The following IP6K1 variants were observed in gnomAD, a reference collection of about 807,000 sequenced individuals.
The protein encoded by IP6K1 is ATP:1D-myo-inositol-hexakisphosphate phosphotransferase.
A neutral mutation model predicts 38.3 loss-of-function variants in IP6K1; 13 were observed. That is an observed-to-expected ratio of 0.34 (90% CI 0.22 to 0.54). The LOEUF (loss-of-function observed/expected upper bound fraction) is 0.54, where lower values mean the gene tolerates loss of function less well. IP6K1 is among the 20% of genes least tolerant of loss of function. The pLI, the probability that IP6K1 is intolerant of heterozygous loss-of-function variation, is 0.92. For missense variants in IP6K1, 397 were observed against 599.8 expected (o/e 0.66, Z 3.53); for synonymous variants, 212 against 229.9 (o/e 0.92, Z 0.70).
chr3:49,760,421 C>T (rs1408732072), intron 1 of IP6K1, among the ~76,000 whole-genome samples: 1 of 151,970 alleles, frequency 6.6e-6, no homozygotes, highest in African/African-American at 2.4e-5. Context: ...GTCAGGAGTT[C>T]AAGAACAGTC....
chr3:49,780,789 T>G (rs1263158224), intron 1 of IP6K1, among the ~76,000 whole-genome samples: 2 of 152,196 alleles, frequency 1.3e-5, no homozygotes, highest in Admixed American at 1.3e-4. Context: ...TGGGCCTGCC[T>G]CTATAAAGCA....
chr3:49,750,902 T>C (rs989563826), intron 1 of IP6K1, among the ~76,000 whole-genome samples: 4 of 152,172 alleles, frequency 2.6e-5, no homozygotes, highest in African/African-American at 9.6e-5. Context: ...ATATACCACA[T>C]ATCTGTAACT....
chr3:49,725,087 G>A lies in IP6K1; in HGVS notation c.*2035C>T, dbSNP rs1049257. ...CTCCAGGTGTCCAAAGTGCTGAAAAGAGGGGCCCTGCTCTAAGGGAGCAGC... is the reference window on the plus strand; with the variant it reads ...CTCCAGGTGTCCAAAGTGCTGAAAAAAGGGGCCCTGCTCTAAGGGAGCAGC... On this transcript the variant is annotated 3_prime_UTR_variant, in exon 6 of 6. Transcript: ENST00000321599. The A allele has an allele frequency of 6.5e-6, 1 of 152,706 alleles. No homozygotes were observed. The highest frequency in any genetic ancestry group is 2.4e-5 in the African/African-American group (1 of 41,432). 9.5% of individuals were successfully genotyped at this position (152,706 alleles called of 1,614,324 possible).
chr3:49,777,599 A>G (rs1396051181), intron 1 of IP6K1, among the ~76,000 whole-genome samples: 1 of 151,348 alleles, frequency 6.6e-6, no homozygotes, highest in Non-Finnish European at 1.5e-5. Context: ...ATACCACAAT[A>G]AAGTTGGAAA....
intron 3 of IP6K1, among the ~76,000 whole-genome samples, chr3:49,735,209 G>A (rs958190051): frequency 3.3e-5 from 5 of 152,118 alleles, no homozygotes; most frequent in Admixed American, 2.0e-4. Context: ...TTAAAAATTA[G>A]CTGAATGCAG....
At chr3:49,736,506 CATA>C (rs1418548314) in intron 3 of IP6K1, among the ~76,000 whole-genome samples, 2 of 152,026 alleles carry the variant, frequency 1.3e-5, no homozygotes, top group South Asian at 2.1e-4. Context: ...TTTCATTTAA[CATA>C]ATGTTTTCAT....
chr3:49,737,205 TCAGC>T, intron 3 of IP6K1, among the ~76,000 whole-genome samples: 2 of 151,150 alleles, frequency 1.3e-5, no homozygotes, highest in African/African-American at 4.9e-5. Context: ...GCCACAGCAC[TCAGC>T]CTGGTTTAAC....
chr3:49,727,417 C>T lies in IP6K1; in HGVS notation c.1031G>A (p.Cys344Tyr). Residue 344 changes from cysteine to tyrosine, a missense_variant, in exon 6 of 6, where the codon TGC becomes TAC. Physicochemically the swap from Cys to Tyr is radical, Grantham distance 194 (BLOSUM62 -2). This residue lies in a region of IP6K1 where 164 missense variants were observed against 213.5 expected (regional missense o/e 0.77). Transcript: ENST00000321599. The surrounding 1 kb of genome is among the most constrained non-coding windows in gnomAD (Gnocchi z 5.9). ...GCGGTCCAGGCAGGACTCAGCCCGG[C>T]ACTCCTTGCCATCATAGATGACAAG... is the stretch of plus-strand genomic sequence containing the variant. ...SLLVIYDGKE[C>Y]RAESCLDRRS... 1 of 1,614,048 alleles carries T rather than the reference C, an allele frequency of 6.2e-7. No individual in the cohort carries two copies.
chr3:49,734,557 A>G (rs9849038), intron 3 of IP6K1, among the ~76,000 whole-genome samples: 122,458 of 151,676 alleles, frequency 0.81, 49,953 homozygotes, highest in East Asian at 0.99. Flanking sequence ...TGGAAATGCT[A>G]ACCCTCTCCA....
chr3:49,761,813 G>A (rs1402986306), intron 1 of IP6K1, among the ~76,000 whole-genome samples: 2 of 151,944 alleles, frequency 1.3e-5, no homozygotes, highest in Admixed American at 6.6e-5. Context: ...AATTAGGCAG[G>A]CATGGTGGTA....
intron 1 of IP6K1, among the ~76,000 whole-genome samples, chr3:49,784,287 G>A (rs1014997294): frequency 4.6e-5 from 7 of 151,958 alleles, no homozygotes; most frequent in Non-Finnish European, 5.9e-5. Context: ...ATGAGCTACC[G>A]CACCTGGCCT....
Position 49,748,077 on chromosome 3 carries a change from T to C in IP6K1, c.-37A>G, listed in dbSNP as rs765794820. 1 of 1,610,304 alleles carries C rather than the reference T, an allele frequency of 6.2e-7. No individual in the cohort carries two copies. The highest frequency in any genetic ancestry group is 8.5e-7 in the Non-Finnish European group (1 of 1,178,384). The stretch of plus-strand genomic sequence containing the variant: ...CCAGTTGCACACTGAGGGCAGAGGA[T>C]GCAGCACATGGGCCACAAAAGGAGA... On this transcript the variant is annotated 5_prime_UTR_variant, in exon 2 of 6. Transcript: ENST00000321599.
At chr3:49,729,912 A>G (rs1280856288) in intron 4 of IP6K1, among the ~76,000 whole-genome samples, 4 of 151,558 alleles carry the variant, frequency 2.6e-5, no homozygotes, top group Non-Finnish European at 5.9e-5. Flanking sequence ...ATTTTTTTTG[A>G]GACAGAGTCT....
chr3:49,771,310 C>A (rs2080957462), intron 1 of IP6K1, among the ~76,000 whole-genome samples: 4 of 151,020 alleles, frequency 2.6e-5, no homozygotes, highest in Admixed American at 1.3e-4. Flanking sequence ...CCAGCTTGGG[C>A]AACATAGGGA....
rs1559707270 is a variant in IP6K1 at position 49,747,948 on chromosome 3, GTGGA to G, written c.89_92del (p.Ile30ThrfsTer3). ...TCATGCTGCTGTGTCCGCCTACTTGGTGGATGAAGGGCTCCAGGAGGACTCCCCG... is the reference window on the plus strand; with the variant it reads ...TCATGCTGCTGTGTCCGCCTACTTGGTGAAGGGCTCCAGGAGGACTCCCCG... On this transcript the variant is annotated frameshift_variant, in exon 2 of 6. Coordinates refer to ENST00000321599, the MANE Select transcript of IP6K1 (RefSeq NM_153273.4). LOFTEE classifies it high-confidence loss of function. The G allele has an allele frequency of 1.2e-6, 2 of 1,614,174 alleles. No homozygotes were observed. The highest frequency in any genetic ancestry group is 8.5e-7 in the Non-Finnish European group (1 of 1,180,034).
At position 49,724,730 on chromosome 3, in the gene IP6K1, C is replaced by G. The variant is rs998269465; in HGVS notation, c.*2392G>C. 6.5e-6 allele frequency: 1 copy of G among 152,678 alleles called. No individual in the cohort carries two copies. The highest frequency in any genetic ancestry group is 1.5e-5 in the Non-Finnish European group (1 of 68,102). 9.5% of individuals were successfully genotyped at this position (152,678 alleles called of 1,614,324 possible). ...CGTAACTAGCACAGGTGCCAGGCCC[C>G]TTGATGGGAATCCCCATGCTCACTG... On this transcript the variant is annotated 3_prime_UTR_variant, in exon 6 of 6. Coordinates refer to ENST00000321599, the MANE Select transcript of IP6K1 (RefSeq NM_153273.4).
chr3:49,784,454 G>T (rs901126732), intron 1 of IP6K1, among the ~76,000 whole-genome samples: 4 of 152,044 alleles, frequency 2.6e-5, no homozygotes, highest in Non-Finnish European at 5.9e-5. Flanking sequence ...AGATCAGCCT[G>T]AACAACATGG....
intron 1 of IP6K1, among the ~76,000 whole-genome samples, chr3:49,765,959 G>A (rs1246467508): frequency 1.3e-5 from 2 of 151,558 alleles, no homozygotes; most frequent in African/African-American, 2.4e-5. Flanking sequence ...GGCAGATGAC[G>A]AGGTCAGGAG....
chr3:49,745,400 A>T (rs2080711381), intron 2 of IP6K1, among the ~76,000 whole-genome samples: 1 of 152,190 alleles, frequency 6.6e-6, no homozygotes, highest in Non-Finnish European at 1.5e-5. Context: ...AGATGTCCTA[A>T]AAACTGGTTC....
Sources: allele counts gnomAD v4.1 joint callset (sites outside exome capture counted in the v4.1 genomes callset), GRCh38; gene constraint gnomAD v4.1.1; regional missense constraint gnomAD v4.1.1; non-coding constraint Gnocchi (gnomAD v3.1); transcripts MANE v1.5; gene names NCBI Gene and HGNC (gene_info 2026-07-23, HGNC 2026-07-21).